Variants in PEX7 observed in about 807,000 individuals in gnomAD.
The protein encoded by PEX7 is PTS2 receptor.
Under a neutral mutation model 47.5 loss-of-function variants are expected in PEX7, and 34 were observed. The observed-to-expected ratio is 0.72, with a 90% CI of 0.54 to 0.95. The LOEUF (loss-of-function observed/expected upper bound fraction) is 0.95, where lower values mean the gene tolerates loss of function less well. PEX7 is among the 40% of genes least tolerant of loss of function. PEX7 has a pLI of 0.00. For missense variants in PEX7, 394 were observed against 400.3 expected, an observed-to-expected ratio of 0.98 and a Z score of 0.13; for synonymous variants, 141 against 148.8, an observed-to-expected ratio of 0.95 and a Z score of 0.38.
chr6:136,844,858 A>G (rs1015755943), intron 3 of PEX7, among the ~76,000 whole-genome samples: 1 of 152,176 alleles, frequency 6.6e-6, no homozygotes, highest in African/African-American at 2.4e-5. Context: ...CATACTTCCT[A>G]CGTATATGTG....
chr6:136,848,206 A>T (rs533929144), intron 5 of PEX7, among the ~76,000 whole-genome samples: 163 of 152,272 alleles, frequency 1.1e-3, no homozygotes, highest in African/African-American at 3.8e-3. Flanking sequence ...GTATCCTGAG[A>T]CTTTGCTGAA....
chr6:136,864,706 G>A (rs1386316443), intron 5 of PEX7, among the ~76,000 whole-genome samples: 1 of 152,170 alleles, frequency 6.6e-6, no homozygotes, highest in Non-Finnish European at 1.5e-5. Context: ...TAAAAATTTA[G>A]CATTTTTATA....
chr6:136,913,025 T>G (rs3799480), intron 9 of PEX7, among the ~76,000 whole-genome samples: 78,763 of 152,008 alleles, frequency 0.52, 20,430 homozygotes, highest in South Asian at 0.58. Flanking sequence ...CCTTCCACAC[T>G]CAGTCTTGAA....
chr6:136,843,594 T>C (rs1317119630), intron 3 of PEX7, among the ~76,000 whole-genome samples: 1 of 152,252 alleles, frequency 6.6e-6, no homozygotes, highest in African/African-American at 2.4e-5. Context: ...TGTACCTTTT[T>C]TGAAGAAACT....
chr6:136,885,287 C>A (rs1775450210), intron 8 of PEX7, among the ~76,000 whole-genome samples: 1 of 152,160 alleles, frequency 6.6e-6, no homozygotes, highest in East Asian at 1.9e-4. Context: ...ACTCCAGTTT[C>A]ATGATACTTT....
intron 8 of PEX7, among the ~76,000 whole-genome samples, chr6:136,892,575 C>T (rs1775574606): frequency 6.6e-6 from 1 of 152,084 alleles, no homozygotes; most frequent in Non-Finnish European, 1.5e-5. Context: ...TATTTATTTG[C>T]TCATTCATTC....
intron 9 of PEX7, among the ~76,000 whole-genome samples, chr6:136,908,970 G>A (rs978574090): frequency 6.6e-6 from 1 of 152,134 alleles, no homozygotes; most frequent in East Asian, 1.9e-4. Context: ...CCTCACATTC[G>A]ATTATAATGG....
At chr6:136,850,293 G>C (rs58939284) in intron 5 of PEX7, among the ~76,000 whole-genome samples, 9,738 of 151,994 alleles carry the variant, frequency 0.064, 1,094 homozygotes, top group African/African-American at 0.22. Flanking sequence ...GCCCACTGAT[G>C]GGTCTTGACT....
chr6:136,911,564 C>T (rs776293653), intron 9 of PEX7, among the ~76,000 whole-genome samples: 6 of 152,072 alleles, frequency 3.9e-5, no homozygotes, highest in Admixed American at 2.6e-4. Context: ...CACCACCACA[C>T]CTGGCTCATT....
At position 136,870,627 on chromosome 6, in the gene PEX7, T is replaced by C. The variant is rs527899061; in HGVS notation, c.747+624T>C. On this transcript the variant is annotated intron_variant, in intron 7 of 9. Coordinates refer to ENST00000318471, the MANE Select transcript of PEX7 (RefSeq NM_000288.4). ...ATCTCCCAATTTCATCCTTTTGTTT[T>C]TTTACGTTAAGGATAAAAAAGTACC... is the stretch of plus-strand genomic sequence containing the variant. The C allele has an allele frequency of 9.8e-5, 21 of 215,166 alleles. No individual in the cohort carries two copies. In the East Asian group the frequency reaches 3.6e-3, roughly 36 times the overall value. 13.3% of individuals were successfully genotyped at this position (215,166 alleles called of 1,614,324 possible).
At chr6:136,880,477 T>A (rs1775357677) in intron 8 of PEX7, among the ~76,000 whole-genome samples, 1 of 152,206 alleles carries the variant, frequency 6.6e-6, no homozygotes, top group Non-Finnish European at 1.5e-5. Flanking sequence ...CTCTGTACCA[T>A]TCAGTGTTCC....
chr6:136,839,976 A>G (rs1375493139), intron 3 of PEX7, among the ~76,000 whole-genome samples: 8 of 152,104 alleles, frequency 5.3e-5, no homozygotes, highest in African/African-American at 1.9e-4. Context: ...CAGGGAGGGC[A>G]TCCTTTGGTC....
intron 5 of PEX7, among the ~76,000 whole-genome samples, chr6:136,860,409 CTTTTTTTT>C (rs386408726): frequency 1.8e-5 from 2 of 113,936 alleles, no homozygotes; most frequent in East Asian, 2.5e-4. Flanking sequence ...AGCCATGGCT[CTTTTTTTT>C]TTTTTTTTTT....
intron 6 of PEX7, among the ~76,000 whole-genome samples, chr6:136,867,248 A>G (rs1168068259): frequency 2.0e-5 from 3 of 152,218 alleles, no homozygotes; most frequent in African/African-American, 7.2e-5. Context: ...CGTATGAATC[A>G]GAGATAGAAA....
chr6:136,875,850 G>C (rs574967090), intron 8 of PEX7, among the ~76,000 whole-genome samples: 27 of 152,228 alleles, frequency 1.8e-4, no homozygotes, highest in African/African-American at 6.5e-4. Context: ...CTGGTATGTA[G>C]ATATTATGGT....
At chr6:136,824,374 ATTT>A (rs1385776774) in intron 1 of PEX7, among the ~76,000 whole-genome samples, 1 of 151,768 alleles carries the variant, frequency 6.6e-6, no homozygotes, top group African/African-American at 2.4e-5. Context: ...CTAATTTTTG[ATTT>A]TTTATTTTTG....
At chr6:136,840,582 A>T (rs930700442) in intron 3 of PEX7, among the ~76,000 whole-genome samples, 3 of 152,202 alleles carry the variant, frequency 2.0e-5, no homozygotes, top group Admixed American at 1.3e-4. Context: ...TTTTCTAAAG[A>T]TTACTTTTTA....
chr6:136,884,521 T>A (rs1369091878), intron 8 of PEX7, among the ~76,000 whole-genome samples: 3 of 152,190 alleles, frequency 2.0e-5, no homozygotes, highest in Non-Finnish European at 1.5e-5. Context: ...ATATTTAGGT[T>A]TGTAAATTTT....
At chr6:136,863,067 T>C (rs1039286068) in intron 5 of PEX7, among the ~76,000 whole-genome samples, 3 of 152,214 alleles carry the variant, frequency 2.0e-5, no homozygotes, top group African/African-American at 7.2e-5. Context: ...GTGATTATAA[T>C]GAGGGCCGTT....
Sources: allele counts gnomAD v4.1 joint callset (sites outside exome capture counted in the v4.1 genomes callset), GRCh38; gene constraint gnomAD v4.1.1; transcripts MANE v1.5; gene names NCBI Gene and HGNC (gene_info 2026-07-23, HGNC 2026-07-21).